The following SLC35F4 variants were observed in gnomAD, a reference collection of about 807,000 sequenced individuals.
SLC35F4 encodes chromosome 14 open reading frame 36.
In SLC35F4, 24 loss-of-function variants were observed where a neutral mutation model predicts 44.2. That is an observed-to-expected ratio of 0.54 (90% confidence interval 0.39 to 0.76). The LOEUF (loss-of-function observed/expected upper bound fraction) is 0.76. Among genes scored for constraint, SLC35F4 ranks in the 30% least tolerant of loss-of-function variants. The pLI is 0.00. For missense variants in SLC35F4, 562 were observed against 586.1 expected, an observed-to-expected ratio of 0.96 and a Z score of 0.42; for synonymous variants, 238 against 223.6, an observed-to-expected ratio of 1.06 and a Z score of -0.57.
intron 1 of SLC35F4, among the ~76,000 whole-genome samples, chr14:57,724,806 A>C (rs1374484777): frequency 6.6e-6 from 1 of 152,174 alleles, no homozygotes; most frequent in African/African-American, 2.4e-5. Context: ...CCTTTTTAGG[A>C]CATCCCTGAA....
At chr14:57,770,651 C>G (rs919264493) in intron 1 of SLC35F4, among the ~76,000 whole-genome samples, 1 of 152,120 alleles carries the variant, frequency 6.6e-6, no homozygotes, top group Non-Finnish European at 1.5e-5. Context: ...GAGGGTTTTT[C>G]CAGTGCAGGG....
At position 57,747,593 on chromosome 14, in the gene SLC35F4, T is replaced by C. The variant is rs377721228; in HGVS notation, c.103+118130A>G. Among the ~76,000 whole-genome samples the C allele has an allele frequency of 7.2e-5, 11 of 152,202 alleles. No individual in the cohort carries two copies. In the East Asian group the frequency reaches 1.4e-3, roughly 19 times the overall value. On this transcript the variant is annotated intron_variant, in intron 1 of 7. Transcript: ENST00000556826. ...TGCTCCATCTATTCTGCTAACTACT[T>C]CCCTGCTTCTGGATTATTTTGAAGC...
At chr14:57,914,351 C>A (rs2141053478) in intron 1 of SLC35F4, among the ~76,000 whole-genome samples, 1 of 152,256 alleles carries the variant, frequency 6.6e-6, no homozygotes, top group Non-Finnish European at 1.5e-5. Flanking sequence ...ATCACAAGGT[C>A]AGGAGATTGA....
chr14:57,570,089 TTC>T lies in SLC35F4; in HGVS notation c.934-111_934-110del, dbSNP rs573842934. 1.9e-3 allele frequency: 1,956 copies of T among 1,039,904 alleles called. 3 individuals are homozygous for T. The highest frequency in any genetic ancestry group is 2.5e-3 in the Non-Finnish European group (1,865 of 744,774). 64.4% of individuals were successfully genotyped at this position (1,039,904 alleles called of 1,614,324 possible). On this transcript the variant is annotated intron_variant, in intron 5 of 7. Coordinates refer to ENST00000556826, the MANE Select transcript of SLC35F4 (RefSeq NM_001306087.2). ...AACTGGCCCAGAGTTTATTCTCCAT[TTC>T]TTCTTGCCCTGACATCTTCACAGCA...
chr14:57,669,646 T>A (rs1349398426), intron 1 of SLC35F4, among the ~76,000 whole-genome samples: 3 of 152,116 alleles, frequency 2.0e-5, no homozygotes, highest in Non-Finnish European at 4.4e-5. Context: ...TTGATTTGCA[T>A]CTGTTGAACC....
intron 1 of SLC35F4, among the ~76,000 whole-genome samples, chr14:57,732,137 T>A (rs2140476041): frequency 6.6e-6 from 1 of 152,344 alleles, no homozygotes; most frequent in Non-Finnish European, 1.5e-5. Context: ...AACTCAGTGT[T>A]AGGTAGTTTC....
intron 1 of SLC35F4, among the ~76,000 whole-genome samples, chr14:57,802,501 C>T (rs1206734359): frequency 9.2e-6 from 1 of 108,338 alleles, no homozygotes; most frequent in Admixed American, 9.5e-5. Flanking sequence ...ACACAAAAAC[C>T]CCTTTGAAAA....
At chr14:57,591,640 T>G (rs1351031450) in intron 2 of SLC35F4, among the ~76,000 whole-genome samples, 1 of 152,232 alleles carries the variant, frequency 6.6e-6, no homozygotes, top group Non-Finnish European at 1.5e-5. Context: ...GGGTCTAAAC[T>G]TTATTCTGAG....
At chr14:57,821,045 A>T (rs1883124469) in intron 1 of SLC35F4, among the ~76,000 whole-genome samples, 1 of 152,224 alleles carries the variant, frequency 6.6e-6, no homozygotes, top group African/African-American at 2.4e-5. Flanking sequence ...TTTATTTCAT[A>T]CTTGTAAGAC....
At chr14:57,752,183 T>G (rs1262175564) in intron 1 of SLC35F4, among the ~76,000 whole-genome samples, 1 of 152,200 alleles carries the variant, frequency 6.6e-6, no homozygotes, top group Non-Finnish European at 1.5e-5. Flanking sequence ...GATGAAGGGT[T>G]TCTAAGAGAA....
At chr14:57,699,417 A>G (rs1261109863) in intron 1 of SLC35F4, among the ~76,000 whole-genome samples, 1 of 152,190 alleles carries the variant, frequency 6.6e-6, no homozygotes, top group Non-Finnish European at 1.5e-5. Context: ...AATGTTCAAG[A>G]GAACTCTGCT....
chr14:57,619,383 T>C (rs533353217), intron 1 of SLC35F4, among the ~76,000 whole-genome samples: 67 of 150,156 alleles, frequency 4.5e-4, no homozygotes, highest in African/African-American at 1.7e-3. Flanking sequence ...CCTCCGCTGG[T>C]GATACCCAGG....
chr14:57,700,968 T>C lies in SLC35F4; in HGVS notation c.104-106844A>G, dbSNP rs142610007. Among the ~76,000 whole-genome samples the C allele has an allele frequency of 6.6e-3, 1,000 of 152,192 alleles. 9 individuals are homozygous for C. The highest frequency in any genetic ancestry group is 0.023 in the African/African-American group (963 of 41,532). ...TCTTTTTTATATCCTTATTCCATAC[T>C]TTTTTTCTAGCTTAAATTTGGTTTT... On this transcript the variant is annotated intron_variant, in intron 1 of 7. Coordinates refer to ENST00000556826, the MANE Select transcript of SLC35F4 (RefSeq NM_001306087.2).
intron 1 of SLC35F4, among the ~76,000 whole-genome samples, chr14:57,610,340 A>G (rs2071417846): frequency 6.6e-6 from 1 of 152,178 alleles, no homozygotes; most frequent in Non-Finnish European, 1.5e-5. Context: ...AAACTGGAAG[A>G]GCCCAGAAGT....
At chr14:57,660,102 A>G (rs1370389152) in intron 1 of SLC35F4, among the ~76,000 whole-genome samples, 1 of 152,204 alleles carries the variant, frequency 6.6e-6, no homozygotes, top group Non-Finnish European at 1.5e-5. Context: ...TTGCATATCT[A>G]TTTGTGAGTG....
chr14:57,974,952 G>C (rs188834333), downstream of SLC35F4, among the ~76,000 whole-genome samples: 15 of 152,288 alleles, frequency 9.8e-5, no homozygotes, highest in East Asian at 2.7e-3. Context: ...TTTCAGGACT[G>C]CAAAGGGAAG....
rs373613869 is a variant in SLC35F4 at position 57,629,058 on chromosome 14, A to G, written c.104-34934T>C. 7.9e-5 allele frequency among the ~76,000 whole-genome samples: 12 copies of G among 152,268 alleles called. No individual in the cohort carries two copies. The East Asian group carries it at 1.9e-3, about 25-fold the overall frequency. ...ATACAGGTGATTTTTGTTCAGAGAC[A>G]TGGTCGGAGCTAAGGGCACCACTCT... On this transcript the variant is annotated intron_variant, in intron 1 of 7. Coordinates refer to ENST00000556826, the MANE Select transcript of SLC35F4 (RefSeq NM_001306087.2).
intron 1 of SLC35F4, among the ~76,000 whole-genome samples, chr14:57,932,257 GT>G (rs1421160300): frequency 6.6e-6 from 1 of 151,466 alleles, no homozygotes; most frequent in Non-Finnish European, 1.5e-5. Context: ...TCTCAGTTTT[GT>G]TCTCTGATGG....
chr14:57,614,586 T>G (rs554003621), intron 1 of SLC35F4, among the ~76,000 whole-genome samples: 1 of 152,158 alleles, frequency 6.6e-6, no homozygotes, highest in East Asian at 1.9e-4. Context: ...TAAGAACAAG[T>G]TGAAAAAGAA....
Sources: gnomAD v4.1 joint callset for allele counts (sites outside exome capture counted in the v4.1 genomes callset) on GRCh38, gnomAD v4.1.1 for gene constraint, MANE v1.5 for transcripts, NCBI Gene and HGNC (gene_info 2026-07-23, HGNC 2026-07-21) for gene names.